Variants in FBXO34 observed in about 807,000 individuals in gnomAD.
The protein encoded by FBXO34 is F-box only protein 34.
Under a neutral mutation model 24.5 loss-of-function variants are expected in FBXO34, and 12 were observed. The ratio of observed to expected loss-of-function variants is 0.49; its 90% confidence interval spans 0.31 to 0.79. The LOEUF (loss-of-function observed/expected upper bound fraction) is 0.79. Ranked by LOEUF, FBXO34 falls within the 30% of genes least tolerant of loss-of-function variation. FBXO34 has a pLI of 0.04. For missense variants in FBXO34, 823 were observed against 857.7 expected (o/e 0.96, Z 0.51); for synonymous variants, 320 against 311.9 (o/e 1.03, Z -0.27).
At chr14:55,294,461 C>G (rs767820648) in intron 1 of FBXO34, among the ~76,000 whole-genome samples, 2 of 152,102 alleles carry the variant, frequency 1.3e-5, no homozygotes, top group Non-Finnish European at 2.9e-5. Flanking sequence ...CCACATTGCC[C>G]AGGCCGGTCT....
At chr14:55,317,376 A>G (rs1013183963) in intron 1 of FBXO34, among the ~76,000 whole-genome samples, 20 of 152,216 alleles carry the variant, frequency 1.3e-4, no homozygotes, top group Admixed American at 1.2e-3. Context: ...GCTACTTGAG[A>G]GGCTGAGGTG....
intron 1 of FBXO34, among the ~76,000 whole-genome samples, chr14:55,347,430 C>A (rs147133507): frequency 1.6e-3 from 242 of 152,306 alleles, no homozygotes; most frequent in African/African-American, 5.3e-3. Flanking sequence ...CTGTGTCTTG[C>A]CAACAGCTTT....
intron 1 of FBXO34, chr14:55,299,088 G>A (rs371195803): frequency 4.2e-6 from 6 of 1,431,188 alleles, no homozygotes; most frequent in East Asian, 2.3e-5. Flanking sequence ...AAAGTCTGAC[G>A]AGGATGAGCT....
At chr14:55,324,619 T>A (rs1203603683) in intron 1 of FBXO34, among the ~76,000 whole-genome samples, 1 of 152,196 alleles carries the variant, frequency 6.6e-6, no homozygotes, top group African/African-American at 2.4e-5. Context: ...TAGATTTTTT[T>A]TTCTCAGTAA....
At chr14:55,294,633 T>C (rs1420061475) in intron 1 of FBXO34, among the ~76,000 whole-genome samples, 2 of 152,256 alleles carry the variant, frequency 1.3e-5, no homozygotes, top group East Asian at 1.9e-4. Flanking sequence ...TAAATACTTA[T>C]ATTTGAAAGT....
chr14:55,338,919 A>AT (rs1451507779), intron 1 of FBXO34, among the ~76,000 whole-genome samples: 1 of 131,238 alleles, frequency 7.6e-6, no homozygotes, highest in African/African-American at 2.7e-5. Context: ...AACAAAAAAA[A>AT]ACAAAAAAAA....
chr14:55,385,934 G>A, the FBXO34 span: 1 of 1,614,138 alleles, frequency 6.2e-7, no homozygotes, highest in Non-Finnish European at 8.5e-7. Flanking sequence ...TCGAAGATTT[G>A]CCAGACGCTC....
At chr14:55,312,372 CTA>C (rs1000472846) in intron 1 of FBXO34, among the ~76,000 whole-genome samples, 31 of 152,162 alleles carry the variant, frequency 2.0e-4, no homozygotes, top group African/African-American at 5.8e-4. Flanking sequence ...TCTTGAGTAT[CTA>C]TGGCTTTTCT....
chr14:55,384,216 A>G, the FBXO34 span, among the ~76,000 whole-genome samples: 1 of 152,196 alleles, frequency 6.6e-6, no homozygotes, highest in Non-Finnish European at 1.5e-5. Flanking sequence ...AAAGATTAAA[A>G]CAGCACAGAA....
the FBXO34 span, among the ~76,000 whole-genome samples, chr14:55,375,904 C>G: frequency 6.6e-6 from 1 of 152,254 alleles, no homozygotes; most frequent in East Asian, 1.9e-4. Context: ...TATAACTTTC[C>G]TTGTAGGTTT....
intron 1 of FBXO34, among the ~76,000 whole-genome samples, chr14:55,308,953 T>C (rs543714453): frequency 6.6e-6 from 1 of 152,238 alleles, no homozygotes; most frequent in Non-Finnish European, 1.5e-5. Flanking sequence ...TATTTTCTTA[T>C]TACAGTGTAG....
At chr14:55,335,521 ATAAG>A in intron 1 of FBXO34, 1 of 152,208 alleles carries the variant, frequency 6.6e-6, no homozygotes, top group East Asian at 1.9e-4. Context: ...AAATACAATA[ATAAG>A]TATAGTGTAT....
the FBXO34 span, among the ~76,000 whole-genome samples, chr14:55,443,031 A>G: frequency 6.6e-6 from 1 of 152,198 alleles, no homozygotes; most frequent in Non-Finnish European, 1.5e-5. Flanking sequence ...AAGAAAATAA[A>G]TTTCTGTTGT....
chr14:55,387,325 G>A, the FBXO34 span, among the ~76,000 whole-genome samples: 1 of 152,130 alleles, frequency 6.6e-6, no homozygotes. Flanking sequence ...GGAACCACTT[G>A]AACGTATGGA....
chr14:55,330,157 A>G (rs1883484092), intron 1 of FBXO34, among the ~76,000 whole-genome samples: 1 of 152,168 alleles, frequency 6.6e-6, no homozygotes, highest in African/African-American at 2.4e-5. Context: ...ATTGCTAACA[A>G]ACAGCGACTT....
the FBXO34 span, among the ~76,000 whole-genome samples, chr14:55,388,440 A>C: frequency 1.3e-5 from 2 of 152,142 alleles, no homozygotes; most frequent in African/African-American, 4.8e-5. Context: ...TCTCCCCATA[A>C]ACATCAAAAT....
chr14:55,433,309 C>T, the FBXO34 span, among the ~76,000 whole-genome samples: 7 of 119,892 alleles, frequency 5.8e-5, no homozygotes, highest in South Asian at 2.8e-4. Flanking sequence ...TTAGATTTCT[C>T]TTTTTTTTTT....
chr14:55,278,764 T>C (rs558527022), intron 1 of FBXO34, among the ~76,000 whole-genome samples: 1 of 152,342 alleles, frequency 6.6e-6, no homozygotes, highest in South Asian at 2.1e-4. Flanking sequence ...CAAGGCTCAC[T>C]GCAGCTGAAC....
the FBXO34 span, chr14:55,440,620 G>A: frequency 6.6e-5 from 97 of 1,462,626 alleles, no homozygotes; most frequent in Non-Finnish European, 8.8e-5. Flanking sequence ...GAAGCGTTGG[G>A]CGATGGGCTT....
Sources: allele counts gnomAD v4.1 joint callset (sites outside exome capture counted in the v4.1 genomes callset), GRCh38; gene constraint gnomAD v4.1.1; transcripts MANE v1.5; gene names NCBI Gene and HGNC (gene_info 2026-07-23, HGNC 2026-07-21).